Variants in FBLN7 observed in about 807,000 individuals in gnomAD.
The protein encoded by FBLN7 is fibulin-7.
FBLN7 carries 31 observed loss-of-function variants against 44.0 expected under a neutral mutation model. That is an observed-to-expected ratio of 0.70 (90% CI 0.53 to 0.95). The LOEUF is 0.95. FBLN7 is among the 40% of genes least tolerant of loss of function. The pLI, the probability that FBLN7 is intolerant of heterozygous loss-of-function variation, is 0.00. For missense variants in FBLN7, 573 were observed against 618.5 expected, an observed-to-expected ratio of 0.93 and a Z score of 0.78; for synonymous variants, 262 against 253.4, an observed-to-expected ratio of 1.03 and a Z score of -0.32.
chr2:112,233,973 C>T, the FBLN7 span: 8 of 512,234 alleles, frequency 1.6e-5, 1 homozygote, highest in South Asian at 3.1e-4. Context: ...CTTTTTTAAA[C>T]ATAAAAGAAT....
intron 1 of FBLN7, among the ~76,000 whole-genome samples, chr2:112,158,005 C>T (rs1376942164): frequency 1.3e-5 from 2 of 151,688 alleles, no homozygotes; most frequent in Non-Finnish European, 2.9e-5. Flanking sequence ...TCACGCCATT[C>T]TCCTGCCTCA....
the FBLN7 span, among the ~76,000 whole-genome samples, chr2:112,234,831 G>A: frequency 6.6e-6 from 1 of 152,116 alleles, no homozygotes; most frequent in African/African-American, 2.4e-5. Flanking sequence ...AAATGAAAGT[G>A]ATAGTATTTA....
At chr2:112,218,106 C>T in the FBLN7 span, among the ~76,000 whole-genome samples, 6 of 152,202 alleles carry the variant, frequency 3.9e-5, no homozygotes, top group Non-Finnish European at 8.8e-5. Context: ...ACTCATTCAG[C>T]TTGCAACTCA....
intron 3 of FBLN7, among the ~76,000 whole-genome samples, chr2:112,169,966 C>A (rs1035425104): frequency 6.6e-6 from 1 of 152,130 alleles, no homozygotes; most frequent in Non-Finnish European, 1.5e-5. Context: ...AGGGGCCAGG[C>A]GCGGTGGTTC....
intron 2 of FBLN7, among the ~76,000 whole-genome samples, 194 bp downstream of exon 2, chr2:112,160,029 C>T (rs917203887): frequency 5.3e-5 from 8 of 151,864 alleles, no homozygotes; most frequent in Non-Finnish European, 7.4e-5. Flanking sequence ...CTCGCTCTGT[C>T]GCCCAGGCTG....
At chr2:112,181,917 G>T in intron 5 of FBLN7, 41 bp downstream of exon 5, 1 of 1,522,830 alleles carries the variant, frequency 6.6e-7, no homozygotes, top group South Asian at 1.2e-5. Context: ...ACAGCACGGG[G>T]AGGACATGGG....
intron 2 of FBLN7, among the ~76,000 whole-genome samples, chr2:112,162,193 A>G (rs1254095371): frequency 6.6e-6 from 1 of 151,644 alleles, no homozygotes; most frequent in African/African-American, 2.4e-5. Context: ...AAAATTTTGT[A>G]AAGATGGGGT....
At chr2:112,154,192 T>C (rs987716033) in intron 1 of FBLN7, among the ~76,000 whole-genome samples, 1 of 152,246 alleles carries the variant, frequency 6.6e-6, no homozygotes, top group African/African-American at 2.4e-5. Context: ...GCATGTCTCC[T>C]CTTAGTTCCA....
the FBLN7 span, among the ~76,000 whole-genome samples, chr2:112,198,664 A>T: frequency 1.3e-5 from 2 of 151,852 alleles, no homozygotes; most frequent in African/African-American, 4.8e-5. Flanking sequence ...AGAAAGAAAG[A>T]AAGAAACCCA....
chr2:112,187,835 G>T lies in FBLN7; in HGVS notation c.*329G>T. 2.2e-6 allele frequency: 1 copy of T among 456,508 alleles called. No individual in the cohort carries two copies. Among genetic ancestry groups the T allele is most frequent in the Admixed American group, 3.9e-5 (1 of 25,750 alleles). 28.3% of individuals were successfully genotyped at this position (456,508 alleles called of 1,614,324 possible). On this transcript the variant is annotated 3_prime_UTR_variant, in exon 8 of 8. Coordinates refer to ENST00000331203, the MANE Select transcript of FBLN7 (RefSeq NM_153214.3). This position sits in a 1 kb window ranked among gnomAD's most constrained non-coding sequence, Gnocchi z 5.1. ...TGGCCTTGTGAGTTTGAACTAGCTG[G>T]GGAGAGAAAAGGTGGCAATGTGTGT...
chr2:112,194,800 T>C, the FBLN7 span, among the ~76,000 whole-genome samples: 1 of 152,260 alleles, frequency 6.6e-6, no homozygotes, highest in Non-Finnish European at 1.5e-5. Flanking sequence ...AGTCTTCCTT[T>C]GCATGCATTC....
intron 1 of FBLN7, among the ~76,000 whole-genome samples, chr2:112,144,027 T>C (rs1396254017): frequency 1.3e-5 from 2 of 152,252 alleles, no homozygotes; most frequent in Non-Finnish European, 2.9e-5. Flanking sequence ...ATATCTTTTA[T>C]TATTTTCACA....
chr2:112,140,819 G>T (rs1313917267), intron 1 of FBLN7, among the ~76,000 whole-genome samples: 3 of 152,166 alleles, frequency 2.0e-5, no homozygotes, highest in Non-Finnish European at 4.4e-5. Flanking sequence ...GTCCCTTCCC[G>T]AGCCGGCGAG....
At chr2:112,218,677 CAT>C in the FBLN7 span, among the ~76,000 whole-genome samples, 10 of 152,130 alleles carry the variant, frequency 6.6e-5, no homozygotes, top group Middle Eastern at 6.8e-3. Context: ...AATTTGGAAA[CAT>C]AGAGAGAGAG....
intron 1 of FBLN7, among the ~76,000 whole-genome samples, chr2:112,147,184 T>C (rs1328831244): frequency 2.6e-5 from 4 of 152,192 alleles, no homozygotes; most frequent in Non-Finnish European, 5.9e-5. Flanking sequence ...CCTGGAGACT[T>C]CTGGAAAGTT....
intron 3 of FBLN7, among the ~76,000 whole-genome samples, chr2:112,174,083 G>C (rs1474913437): frequency 6.6e-6 from 1 of 152,256 alleles, no homozygotes; most frequent in African/African-American, 2.4e-5. Flanking sequence ...CAAGCTACAA[G>C]ATACTGGTGT....
At chr2:112,195,576 G>T in the FBLN7 span, among the ~76,000 whole-genome samples, 3 of 152,186 alleles carry the variant, frequency 2.0e-5, no homozygotes, top group Non-Finnish European at 2.9e-5. Context: ...CCCAGGGGGT[G>T]CCAGACCTGG....
chr2:112,159,989 A>T (rs1326841623), intron 2 of FBLN7, among the ~76,000 whole-genome samples, 154 bp downstream of exon 2: 4 of 143,988 alleles, frequency 2.8e-5, no homozygotes, highest in Admixed American at 1.4e-4. Flanking sequence ...TTTATTATTT[A>T]TTTATTTATT....
rs529004770 is a variant in FBLN7 at position 112,173,415 on chromosome 2, A to G, written c.407-2299A>G. Among the ~76,000 whole-genome samples the G allele has an allele frequency of 3.7e-4, 56 of 152,288 alleles. 1 individual carries two copies. The South Asian group carries it at 0.011, about 31-fold the overall frequency. ...GTTTAAAAGATAAAAGCAAGGAAAG[A>G]ACAGTTTAGATAAAAATGAGAAAAC... On this transcript the variant is annotated intron_variant, in intron 3 of 7. Coordinates refer to ENST00000331203, the MANE Select transcript of FBLN7 (RefSeq NM_153214.3).
Sources: gnomAD v4.1 joint callset for allele counts (sites outside exome capture counted in the v4.1 genomes callset) on GRCh38, gnomAD v4.1.1 for gene constraint, Gnocchi (gnomAD v3.1) non-coding constraint, MANE v1.5 for transcripts, NCBI Gene and HGNC (gene_info 2026-07-23, HGNC 2026-07-21) for gene names.